USP50: variants seen among roughly 807,000 people sequenced by gnomAD.
USP50 encodes ubiquitin carboxyl-terminal hydrolase 50.
A neutral mutation model predicts 39.2 loss-of-function variants in USP50; 37 were observed. That is an observed-to-expected ratio of 0.94 (90% CI 0.73 to 1.24). USP50 has a LOEUF of 1.24. USP50 is among the 50% of genes most tolerant of loss of function. USP50 has a pLI of 0.00. For missense variants in USP50, 374 were observed against 398.2 expected (o/e 0.94, Z 0.52); for synonymous variants, 139 against 144.5 (o/e 0.96, Z 0.27).
intron 6 of USP50, chr15:50,511,142 T>C (rs2052734530): frequency 6.6e-6 from 1 of 152,204 alleles, no homozygotes; most frequent in Non-Finnish European, 1.5e-5. Context: ...AGTTTTATTT[T>C]AAAAACTGGA....
chr15:50,494,939 T>A (rs1031362460), intron 1 of USP50, among the ~76,000 whole-genome samples: 1 of 150,560 alleles, frequency 6.6e-6, no homozygotes, highest in East Asian at 2.0e-4. Context: ...CGCTTGAACC[T>A]GGGAGGCAGA....
At chr15:50,526,919 A>G (rs553599967) in intron 6 of USP50, among the ~76,000 whole-genome samples, 32 of 152,342 alleles carry the variant, frequency 2.1e-4, no homozygotes, top group African/African-American at 7.7e-4. Flanking sequence ...GATTATTTGT[A>G]AAGTGCTTAG....
At chr15:50,499,141 C>G (rs2052524925), downstream of USP50, 3 of 1,492,042 alleles carry the variant, frequency 2.0e-6, no homozygotes, top group Non-Finnish European at 2.7e-6. Context: ...CAACACAACT[C>G]TTGAAATGCT....
At chr15:50,519,791 G>T (rs2052834083) in intron 6 of USP50, among the ~76,000 whole-genome samples, 1 of 152,038 alleles carries the variant, frequency 6.6e-6, no homozygotes, top group South Asian at 2.1e-4. Flanking sequence ...ACAAATACTG[G>T]CAAGGATACA....
intron 5 of USP50, among the ~76,000 whole-genome samples, chr15:50,538,273 C>CAAAA (rs766139797): frequency 0.016 from 284 of 17,274 alleles, 26 homozygotes; most frequent in African/African-American, 0.033. Context: ...GAGACTGTCT[C>CAAAA]AAAAAAAAAA....
At chr15:50,521,172 G>C (rs2052847424) in intron 6 of USP50, among the ~76,000 whole-genome samples, 1 of 152,108 alleles carries the variant, frequency 6.6e-6, no homozygotes, top group African/African-American at 2.4e-5. Context: ...CTCCCGAGTA[G>C]CTGGGATTAC....
At chr15:50,506,352 T>C (rs921702718) in intron 6 of USP50, 1 of 152,152 alleles carries the variant, frequency 6.6e-6, no homozygotes, top group African/African-American at 2.4e-5. Context: ...CAAACTCTAT[T>C]GTGAACTGCG....
chr15:50,502,113 T>C (rs1596001541), intron 6 of USP50: 1 of 152,300 alleles, frequency 6.6e-6, no homozygotes, highest in African/African-American at 2.4e-5. Context: ...TGTTAACTTA[T>C]TTTTAATTTT....
downstream of USP50, chr15:50,499,817 T>C (rs537681794): frequency 6.6e-6 from 1 of 152,142 alleles, no homozygotes; most frequent in South Asian, 2.1e-4. Flanking sequence ...TATTGTATTA[T>C]CAAATATAGG....
intron 3 of USP50, among the ~76,000 whole-genome samples, chr15:50,541,986 G>A (rs1279370089): frequency 1.3e-5 from 2 of 151,554 alleles, no homozygotes; most frequent in Non-Finnish European, 2.9e-5. Context: ...AGGCTGAGGC[G>A]GGAGGAGTTT....
chr15:50,538,024 C>A (rs1240492720), intron 5 of USP50, among the ~76,000 whole-genome samples: 4 of 151,158 alleles, frequency 2.6e-5, no homozygotes, highest in African/African-American at 9.7e-5. Context: ...TGCCTATAAT[C>A]CCAAAACTTT....
intron 5 of USP50, among the ~76,000 whole-genome samples, chr15:50,536,235 A>C (rs2052979185): frequency 6.6e-6 from 1 of 152,230 alleles, no homozygotes; most frequent in South Asian, 2.1e-4. Context: ...AATCTGAAGG[A>C]ATCAACAAAA....
At chr15:50,508,488 T>TA in intron 6 of USP50, 1 of 152,294 alleles carries the variant, frequency 6.6e-6, no homozygotes, top group South Asian at 2.1e-4. Flanking sequence ...AAGTGGGAGA[T>TA]AGACATTTGT....
rs1409709595 is a variant in USP50, at chr15:50,500,724, A to G, written c.*45T>C. Reference sequence around the variant, plus strand: ...ACAGGAGATCCATAGCATTTTGAACAGAAGTATCTGGAATCTCACTGACTC... The same window carrying G: ...ACAGGAGATCCATAGCATTTTGAACGGAAGTATCTGGAATCTCACTGACTC... On this transcript the variant is annotated 3_prime_UTR_variant, in exon 7 of 7. Transcript: ENST00000532404. 1.3e-6 allele frequency: 2 copies of G among 1,533,928 alleles called. No homozygotes were observed. The highest frequency in any genetic ancestry group is 1.8e-6 in the Non-Finnish European group (2 of 1,127,590).
exon 2 of USP50, chr15:50,494,052 C>T: frequency 6.3e-7 from 1 of 1,593,726 alleles, no homozygotes; most frequent in East Asian, 2.2e-5. Context: ...TCTTTTGTAA[C>T]AACTTTTATT....
intron 6 of USP50, chr15:50,505,051 A>C (rs2052640536): frequency 6.6e-6 from 1 of 152,062 alleles, no homozygotes; most frequent in African/African-American, 2.4e-5. Context: ...GTAGTGATGG[A>C]GAATACGTGT....
At chr15:50,530,637 G>C (rs898882197) in intron 5 of USP50, among the ~76,000 whole-genome samples, 36 of 151,944 alleles carry the variant, frequency 2.4e-4, no homozygotes, top group African/African-American at 8.2e-4. Context: ...ATTTGGTACA[G>C]ACTTATAAAT....
intron 6 of USP50, among the ~76,000 whole-genome samples, chr15:50,527,898 A>G (rs1032822899): frequency 2.0e-4 from 31 of 151,974 alleles, no homozygotes; most frequent in African/African-American, 6.8e-4. Flanking sequence ...CGGCCTCCCA[A>G]TGTGCTGGGA....
chr15:50,497,297 T>A, downstream of USP50: 1 of 1,530,670 alleles, frequency 6.5e-7, no homozygotes, highest in Non-Finnish European at 8.7e-7. Context: ...TTCTGTGTAA[T>A]TTATACTTGT....
Sources: allele counts gnomAD v4.1 joint callset (sites outside exome capture counted in the v4.1 genomes callset), GRCh38; gene constraint gnomAD v4.1.1; transcripts MANE v1.5; gene names NCBI Gene and HGNC (gene_info 2026-07-23, HGNC 2026-07-21).